TENT4B: variants seen among roughly 807,000 people sequenced by gnomAD.
TENT4B encodes the protein terminal nucleotidyltransferase 4B, also known as PAP associated domain containing 5.
TENT4B carries 10 observed loss-of-function variants against 75.0 expected under a neutral mutation model. The ratio of observed to expected loss-of-function variants is 0.13; its 90% CI spans 0.08 to 0.23. The LOEUF (loss-of-function observed/expected upper bound fraction) is 0.23. Among genes scored for constraint, TENT4B ranks in the 10% least tolerant of loss-of-function variants. TENT4B has a pLI of 1.00. For synonymous variants in TENT4B, 350 were observed against 357.7 expected, an observed-to-expected ratio of 0.98 and a Z score of 0.24; for missense variants, 579 against 893.8, an observed-to-expected ratio of 0.65 and a Z score of 4.49.
In TENT4B at chr16:50,153,315, A is replaced by G. The variant is rs1249936863; in HGVS notation, c.-307A>G. Among the ~76,000 whole-genome samples, 4 of 135,848 alleles carry G rather than the reference A, an allele frequency of 2.9e-5. No individual in the cohort carries two copies. Among genetic ancestry groups the G allele is most frequent in the Non-Finnish European group, 6.3e-5 (4 of 63,340 alleles). The allele number at this position is 135,848 out of a possible 152,430, so 89.1% of individuals were successfully genotyped here. ...GCCGCCGCCGCTCGCTCTTCTGTGG[A>G]GCCGCCGCCGCCGCCGCCGCCATTT... is the stretch of plus-strand genomic sequence containing the variant. On this transcript the variant is annotated 5_prime_UTR_variant, in exon 1 of 12. Transcript: ENST00000561678.
intron 1 of TENT4B, among the ~76,000 whole-genome samples, chr16:50,188,948 T>C (rs181352169): frequency 9.2e-5 from 14 of 152,274 alleles, no homozygotes; most frequent in Admixed American, 5.9e-4. Flanking sequence ...CACCCTCCCT[T>C]TTCCCATAGT....
At chr16:50,174,618 A>G (rs1246806465) in intron 1 of TENT4B, among the ~76,000 whole-genome samples, 1 of 152,142 alleles carries the variant, frequency 6.6e-6, no homozygotes, top group Non-Finnish European at 1.5e-5. Context: ...GAAATATACA[A>G]TAAATTATTA....
intron 1 of TENT4B, among the ~76,000 whole-genome samples, chr16:50,191,923 AAAAC>A (rs1010846347): frequency 2.0e-4 from 30 of 151,970 alleles, no homozygotes; most frequent in Middle Eastern, 3.4e-3. Context: ...CCATCTCAAA[AAAAC>A]AAACAAACAA....
At chr16:50,159,035 G>C (rs1031097073) in intron 1 of TENT4B, among the ~76,000 whole-genome samples, 1 of 152,118 alleles carries the variant, frequency 6.6e-6, no homozygotes, top group African/African-American at 2.4e-5. Flanking sequence ...CCTGCTAGTG[G>C]GGAGCTGAGA....
chr16:50,153,129 C>T (rs1186592430), upstream of TENT4B: 9 of 890,430 alleles, frequency 1.0e-5, no homozygotes, highest in Non-Finnish European at 1.3e-5. Flanking sequence ...GCGAGGCCTC[C>T]CGGGCTGCTG....
intron 1 of TENT4B, among the ~76,000 whole-genome samples, chr16:50,185,800 C>A (rs1191212686): frequency 1.3e-5 from 2 of 152,064 alleles, no homozygotes; most frequent in Non-Finnish European, 2.9e-5. Flanking sequence ...ACCTCTCACT[C>A]CCCCTTACCC....
intron 1 of TENT4B, among the ~76,000 whole-genome samples, chr16:50,161,173 G>GT (rs1456879697): frequency 6.6e-6 from 1 of 152,090 alleles, no homozygotes; most frequent in Non-Finnish European, 1.5e-5. Flanking sequence ...ACACGTAATT[G>GT]TTTTTTTGTA....
rs869060811 is a variant in TENT4B, at chr16:50,182,891, C to CTTTTTTTTTTTTTTTTTTTTTTTT, written c.639-28424_639-28401dup. 1.2e-3 allele frequency among the ~76,000 whole-genome samples: 45 copies of CTTTTTTTTTTTTTTTTTTTTTTTT among 36,470 alleles called. 17 individuals carry two copies. The highest frequency in any genetic ancestry group is 8.3e-3 in the East Asian group (7 of 848). The allele number at this position is 36,470 out of a possible 152,430, so 23.9% of individuals were successfully genotyped here. On this transcript the variant is annotated intron_variant, in intron 1 of 11. Coordinates refer to ENST00000561678, the MANE Select transcript of TENT4B (RefSeq NM_001365324.3). ...CCAAGTACAGCAAGTTTTATTTTAC[C>CTTTTTTTTTTTTTTTTTTTTTTTT]TTTTTTTTTTTTTTTTTTTTTTTTT...
At chr16:50,199,871 G>A (rs2030523893) in intron 1 of TENT4B, among the ~76,000 whole-genome samples, 1 of 152,206 alleles carries the variant, frequency 6.6e-6, no homozygotes. Flanking sequence ...CACCTGGGCT[G>A]ATGTGAACCC....
intron 1 of TENT4B, among the ~76,000 whole-genome samples, chr16:50,185,127 G>C (rs548736232): frequency 2.6e-5 from 4 of 152,160 alleles, no homozygotes; most frequent in Non-Finnish European, 5.9e-5. Flanking sequence ...GCTCCAAGTT[G>C]TAGTTTGCTT....
chr16:50,190,124 T>G (rs535939602), intron 1 of TENT4B, among the ~76,000 whole-genome samples: 36 of 151,192 alleles, frequency 2.4e-4, no homozygotes, highest in Non-Finnish European at 3.8e-4. Flanking sequence ...AAGAAATGTA[T>G]TTTTGGTATT....
intron 5 of TENT4B, among the ~76,000 whole-genome samples, 151 bp downstream of exon 5, chr16:50,217,814 G>A (rs1373659594): frequency 6.9e-6 from 1 of 145,834 alleles, no homozygotes; most frequent in African/African-American, 2.5e-5. Context: ...CACCTAGGCT[G>A]GAGTGCAGTG....
chr16:50,189,358 A>G (rs1279966908), intron 1 of TENT4B, among the ~76,000 whole-genome samples: 1 of 152,204 alleles, frequency 6.6e-6, no homozygotes, highest in Non-Finnish European at 1.5e-5. Context: ...AAATATTGCA[A>G]GTGCGTTATG....
At chr16:50,212,999 A>G (rs1269113980) in intron 2 of TENT4B, among the ~76,000 whole-genome samples, 1 of 152,116 alleles carries the variant, frequency 6.6e-6, no homozygotes, top group African/African-American at 2.4e-5. Context: ...GATGAGGAAC[A>G]TGAGCTTGTG....
At chr16:50,197,291 A>AT (rs2030331209) in intron 1 of TENT4B, among the ~76,000 whole-genome samples, 2 of 152,094 alleles carry the variant, frequency 1.3e-5, no homozygotes, top group Admixed American at 1.3e-4. Flanking sequence ...GCCAAATTAA[A>AT]TTTAAGTTTT....
chr16:50,153,183 T>TGGGGGGGGGGGGGGG (rs760198722), upstream of TENT4B, among the ~76,000 whole-genome samples: 3 of 21,140 alleles, frequency 1.4e-4, no homozygotes, highest in Admixed American at 8.7e-4. Flanking sequence ...GGCGGGGCGG[T>TGGGGGGGGGGGGGGG]GGGGGGGGGG....
At chr16:50,215,684 C>G (rs950056293) in intron 3 of TENT4B, among the ~76,000 whole-genome samples, 18 of 152,200 alleles carry the variant, frequency 1.2e-4, no homozygotes, top group African/African-American at 4.1e-4. Flanking sequence ...GATACCTGTT[C>G]TGCATCCAGC....
chr16:50,225,175 C>G lies in TENT4B; in HGVS notation c.1690C>G (p.Leu564Val). Residue 564 changes from leucine (L) to valine (V), a missense_variant, in exon 10 of 12, where the codon CTT (leucine) becomes GTT (valine). Transcript: ENST00000561678. Reference protein sequence around the residue: ...NNNLSEENEALGKCRSKTSES... With the variant: ...NNNLSEENEAVGKCRSKTSES... ...TAATCTATCTGAAGAAAATGAAGCC[C>G]TTGGAAAATGTAGAAGTAAAACCTC... The G allele has an allele frequency of 1.2e-6, 2 of 1,613,798 alleles. No homozygotes were observed. Among genetic ancestry groups the G allele is most frequent in the Non-Finnish European group, 1.7e-6 (2 of 1,179,740 alleles).
In TENT4B at chr16:50,217,648, CA is replaced by C; in HGVS notation, c.1026del (p.Asp343IlefsTer14). On this transcript the variant is annotated frameshift_variant, in exon 5 of 12. Transcript: ENST00000561678. LOFTEE classifies it high-confidence loss of function. ...QNGVRAADLI[K>X]DFTKKYPVLP... The stretch of plus-strand genomic sequence containing the variant: ...ATGGCGTGAGAGCAGCTGACCTCAT[CA>C]AAGATTTTACCAAGGTCAGAGAATT... The C allele has an allele frequency of 6.6e-7, 1 of 1,521,772 alleles. No homozygotes were observed. The highest frequency in any genetic ancestry group is 8.8e-7 in the Non-Finnish European group (1 of 1,136,338). The allele number at this position is 1,521,772 out of a possible 1,614,324, so 94.3% of individuals were successfully genotyped here. A position where few individuals can be genotyped will look rare whatever the true frequency, so the allele number is the denominator to read the frequency against.
Sources: gnomAD v4.1 joint callset for allele counts (sites outside exome capture counted in the v4.1 genomes callset) on GRCh38, gnomAD v4.1.1 for gene constraint, MANE v1.5 for transcripts, NCBI Gene and HGNC (gene_info 2026-07-23, HGNC 2026-07-21) for gene names.